STRIP1: variants seen among roughly 807,000 people sequenced by gnomAD.
STRIP1 encodes the protein striatin-interacting protein 1.
In STRIP1, 63 loss-of-function variants were observed where a neutral mutation model predicts 106.2. That is an observed-to-expected ratio of 0.59 (90% CI 0.48 to 0.73). STRIP1 has a LOEUF of 0.73. Ranked by LOEUF, STRIP1 falls within the 30% of genes least tolerant of loss-of-function variation. The pLI is 0.00. For synonymous variants in STRIP1, 390 were observed against 413.0 expected (o/e 0.94, Z 0.67); for missense variants, 857 against 1,074.8 (o/e 0.80, Z 2.83).
At chr1:110,043,902 C>G in intron 10 of STRIP1, 46 bp downstream of exon 10, 1 of 1,546,956 alleles carries the variant, frequency 6.5e-7, no homozygotes. Context: ...GAGGCAGAGC[C>G]CTCACACCCT....
intron 6 of STRIP1, 64 bp downstream of exon 6, chr1:110,040,767 G>T: frequency 7.0e-7 from 1 of 1,433,062 alleles, no homozygotes; most frequent in South Asian, 1.3e-5. Context: ...AGCAGGGTGT[G>T]GGAGGCTGTC....
chr1:110,044,945 G>A lies in STRIP1; in HGVS notation c.1352+40G>A, dbSNP rs575456341. On this transcript the variant is annotated intron_variant, in intron 11 of 20. Coordinates refer to ENST00000369795, the MANE Select transcript of STRIP1 (RefSeq NM_033088.4). ...AGTTCATTTTGCTGTTAGCTCTCCCGGCCTTTGGTGTTTGGGATCCCAGGT... is the reference window on the plus strand; with the variant it reads ...AGTTCATTTTGCTGTTAGCTCTCCCAGCCTTTGGTGTTTGGGATCCCAGGT... 290 of 1,613,560 alleles carry A rather than the reference G, an allele frequency of 1.8e-4. 2 individuals are homozygous for A. Among genetic ancestry groups the A allele is most frequent in the South Asian group, 1.1e-3 (99 of 91,072 alleles).
chr1:110,053,799 A>G lies in STRIP1; in HGVS notation c.2401A>G (p.Ser801Gly). The G allele has an allele frequency of 3.7e-6, 6 of 1,614,142 alleles. No individual in the cohort carries two copies. The highest frequency in any genetic ancestry group is 5.1e-6 in the Non-Finnish European group (6 of 1,180,034). Reference protein sequence around the residue: ...DFLPVDNCLQSVLGQRVDLPE... With the variant: ...DFLPVDNCLQGVLGQRVDLPE... ...CCTGCCAGTGGACAACTGCCTGCAG[A>G]GTGTCCTGGGCCAACGGGTGGACCT... Residue 801 changes from serine (S) to glycine (G), a missense_variant, in exon 21 of 21, where the codon AGT becomes GGT. Ser to Gly is a moderately conservative substitution (Grantham distance 56). Around this residue, in one of 2 missense-constraint regions of STRIP1, gnomAD observed 750 missense variants for 989.8 expected, o/e 0.76. Coordinates refer to ENST00000369795, the MANE Select transcript of STRIP1 (RefSeq NM_033088.4).
At chr1:110,031,879 T>A (rs1282768630), upstream of STRIP1, among the ~76,000 whole-genome samples, 4 of 151,938 alleles carry the variant, frequency 2.6e-5, no homozygotes, top group Admixed American at 1.3e-4. Flanking sequence ...TTTTTCTTTT[T>A]CAAAAATTTT....
chr1:110,041,485 C>A (rs1652755327), intron 6 of STRIP1, 51 bp from the exon 7 acceptor site: 3 of 1,362,520 alleles, frequency 2.2e-6, no homozygotes, highest in Non-Finnish European at 3.1e-6. Flanking sequence ...CACTAGGGTG[C>A]TCCTTTGACC....
chr1:110,034,359 G>A (rs2453937), upstream of STRIP1, among the ~76,000 whole-genome samples: 1 of 152,218 alleles, frequency 6.6e-6, no homozygotes, highest in African/African-American at 2.4e-5. Flanking sequence ...AAGCGATTTA[G>A]AGGAAGGAGG....
At position 110,051,858 on chromosome 1, in the gene STRIP1, G is replaced by A. The variant is rs1653317273; in HGVS notation, c.2237G>A (p.Arg746Gln). The change falls in exon 20 of 21, where the codon CGG becomes CAG. Residue 746 changes from arginine (R) to glutamine (Q), a missense_variant. By Grantham distance (43) the Arg-to-Gln change is conservative (BLOSUM62 1). Around this residue, in one of 2 missense-constraint regions of STRIP1, gnomAD observed 750 missense variants for 989.8 expected, o/e 0.76. Coordinates refer to ENST00000369795, the MANE Select transcript of STRIP1 (RefSeq NM_033088.4). Reference protein sequence around the residue: ...MSAIYQKVRHRLNDDWAYGND... With the variant: ...MSAIYQKVRHQLNDDWAYGND... Reference sequence around the variant, plus strand: ...GCCATCTACCAGAAGGTGCGGCATCGGCTGAACGACGACTGGGCATACGGC... The same window carrying A: ...GCCATCTACCAGAAGGTGCGGCATCAGCTGAACGACGACTGGGCATACGGC... 8 of 1,612,792 alleles carry A rather than the reference G, an allele frequency of 5.0e-6. No homozygotes were observed. The highest frequency in any genetic ancestry group is 5.1e-6 in the Non-Finnish European group (6 of 1,179,926).
chr1:110,050,235 G>T, intron 17 of STRIP1, 108 bp from the exon 18 acceptor site: 2 of 1,032,956 alleles, frequency 1.9e-6, no homozygotes, highest in South Asian at 1.4e-5. Context: ...TCCTACTTCT[G>T]CTCCAACAAG....
intron 20 of STRIP1, among the ~76,000 whole-genome samples, chr1:110,052,804 G>A (rs983782418): frequency 1.3e-5 from 2 of 152,124 alleles, no homozygotes; most frequent in African/African-American, 4.8e-5. Context: ...GGGTTCAAGC[G>A]ATCCACCAGC....
intron 1 of STRIP1, 152 bp downstream of exon 1, chr1:110,034,969 C>T (rs1238119384): frequency 2.6e-6 from 2 of 773,770 alleles, no homozygotes; most frequent in East Asian, 6.8e-5. Context: ...GAGCAGGAAG[C>T]GAGGCTGGCA....
At chr1:110,044,952 G>T (rs746500212) in intron 11 of STRIP1, 47 bp downstream of exon 11, 2 of 1,613,394 alleles carry the variant, frequency 1.2e-6, no homozygotes, top group Non-Finnish European at 1.7e-6. Context: ...CCCGGCCTTT[G>T]GTGTTTGGGA....
At chr1:110,041,362 C>A in intron 6 of STRIP1, 174 bp from the exon 7 acceptor site, 6 of 554,300 alleles carry the variant, frequency 1.1e-5, no homozygotes, top group Non-Finnish European at 9.7e-6. Context: ...TGGTTTTTTT[C>A]TTTTCAGGAA....
rs576243420 is a variant in STRIP1 at position 110,038,025 on chromosome 1, A to G, written c.250+65A>G. 4.4e-6 allele frequency: 4 copies of G among 903,964 alleles called. No individual in the cohort carries two copies. The South Asian group carries it at 5.8e-5, about 13-fold the overall frequency. 56.0% of individuals were successfully genotyped at this position (903,964 alleles called of 1,614,324 possible). Reference sequence around the variant, plus strand: ...TCCTTATTGGTCTTTAATAAAATTAATAATGAATATCATTTAGGGCTTCAT... The same window carrying G: ...TCCTTATTGGTCTTTAATAAAATTAGTAATGAATATCATTTAGGGCTTCAT... On this transcript the variant is annotated intron_variant, in intron 2 of 20. Coordinates refer to ENST00000369795, the MANE Select transcript of STRIP1 (RefSeq NM_033088.4).
chr1:110,031,659 T>G (rs1163176934), upstream of STRIP1: 1 of 152,136 alleles, frequency 6.6e-6, no homozygotes, highest in East Asian at 1.9e-4. Flanking sequence ...ATTCTCATTT[T>G]ACAGATGGGG....
intron 13 of STRIP1, among the ~76,000 whole-genome samples, 164 bp from the exon 14 acceptor site, chr1:110,047,378 G>A (rs922069838): frequency 6.6e-6 from 1 of 152,218 alleles, no homozygotes; most frequent in Non-Finnish European, 1.5e-5. Flanking sequence ...GTTATTACAA[G>A]TAAAATGCTT....
chr1:110,047,028 C>T (rs939905565), intron 13 of STRIP1, among the ~76,000 whole-genome samples: 2 of 152,056 alleles, frequency 1.3e-5, no homozygotes, highest in Admixed American at 6.5e-5. Flanking sequence ...CCAGCCTGGG[C>T]GACAGAGCGA....
chr1:110,035,346 A>G (rs1485133573), intron 1 of STRIP1, among the ~76,000 whole-genome samples: 1 of 152,166 alleles, frequency 6.6e-6, no homozygotes, highest in African/African-American at 2.4e-5. Context: ...AGAGTAGAGT[A>G]GGAGGGGGAA....
chr1:110,040,616 C>A lies in STRIP1; in HGVS notation c.582-19C>A. ...CTTCCTTCTTGGAGGAAGATGCTGA[C>A]TCTCAAAATCTCCTGCAGCAACAGT... On this transcript the variant is annotated intron_variant, in intron 5 of 20. Coordinates refer to ENST00000369795, the MANE Select transcript of STRIP1 (RefSeq NM_033088.4). The A allele has an allele frequency of 2.5e-6, 4 of 1,604,960 alleles. No individual in the cohort carries two copies. Among genetic ancestry groups the A allele is most frequent in the Non-Finnish European group, 3.4e-6 (4 of 1,175,722 alleles).
Position 110,053,947 on chromosome 1 carries a change from G to T in STRIP1, c.*35G>T, listed in dbSNP as rs114987264. The stretch of plus-strand genomic sequence containing the variant: ...TTAGGGGACTGAAATGGAGAGAAAA[G>T]ATGATCTGAAGGTACCTGTGGGACT... On this transcript the variant is annotated 3_prime_UTR_variant, in exon 21 of 21. Transcript: ENST00000369795. 8.7e-6 allele frequency: 14 copies of T among 1,611,358 alleles called. 1 individual carries two copies. The South Asian group carries it at 1.3e-4, about 15-fold the overall frequency.
Sources: allele counts gnomAD v4.1 joint callset (sites outside exome capture counted in the v4.1 genomes callset), GRCh38; gene constraint gnomAD v4.1.1; regional missense constraint gnomAD v4.1.1; transcripts MANE v1.5; gene names NCBI Gene and HGNC (gene_info 2026-07-23, HGNC 2026-07-21).